DOCK8: variants seen among roughly 807,000 people sequenced by gnomAD.
DOCK8 encodes the protein dedicator of cytokinesis protein 8.
A neutral mutation model predicts 245.6 loss-of-function variants in DOCK8; 141 were observed. The observed-to-expected ratio is 0.57, with a 90% CI of 0.50 to 0.66. The LOEUF is 0.66. Ranked by LOEUF, DOCK8 falls within the 30% of genes least tolerant of loss-of-function variation. The pLI is 0.00. For synonymous variants in DOCK8, 1,168 were observed against 970.2 expected (o/e 1.20, Z -3.79); for missense variants, 2,965 against 2,603.4 (o/e 1.14, Z -3.02).
intron 4 of DOCK8, among the ~76,000 whole-genome samples, chr9:289,893 G>T (rs1011779931): frequency 6.6e-6 from 1 of 152,178 alleles, no homozygotes; most frequent in Non-Finnish European, 1.5e-5. Context: ...TTTGACAAAT[G>T]TGTAATGACA....
At chr9:385,764 C>G (rs1291065986) in intron 22 of DOCK8, among the ~76,000 whole-genome samples, 1 of 152,192 alleles carries the variant, frequency 6.6e-6, no homozygotes, top group Non-Finnish European at 1.5e-5. Context: ...TTCTGATCAC[C>G]CAGGAAAGAA....
intron 18 of DOCK8, among the ~76,000 whole-genome samples, chr9:374,458 T>TC: frequency 7.1e-6 from 1 of 139,996 alleles, no homozygotes; most frequent in East Asian, 2.1e-4. Flanking sequence ...TTTGTGTTTT[T>TC]TTTTTTTTTT....
At chr9:412,589 C>G (rs2055791897) in intron 28 of DOCK8, among the ~76,000 whole-genome samples, 1 of 151,782 alleles carries the variant, frequency 6.6e-6, no homozygotes, top group African/African-American at 2.4e-5. Flanking sequence ...GATCAACATA[C>G]AAGAATCAAT....
At chr9:255,668 C>A (rs2484950) in intron 1 of DOCK8, among the ~76,000 whole-genome samples, 5,202 of 22,716 alleles carry the variant, frequency 0.23, 257 homozygotes, top group East Asian at 0.28. Flanking sequence ...ACTCCATCTC[C>A]AAAAAAAAAA....
intron 34 of DOCK8, among the ~76,000 whole-genome samples, chr9:428,010 C>CAATTG (rs2056563014): frequency 6.6e-6 from 1 of 152,210 alleles, no homozygotes; most frequent in African/African-American, 2.4e-5. Flanking sequence ...CCCTGTTGTA[C>CAATTG]TGGGAAGCCC....
chr9:292,450 T>A (rs1158324458), intron 4 of DOCK8, among the ~76,000 whole-genome samples: 2 of 141,112 alleles, frequency 1.4e-5, no homozygotes, highest in Non-Finnish European at 3.0e-5. Context: ...CTCAAGAATA[T>A]TAGATGTTAT....
intron 1 of DOCK8, among the ~76,000 whole-genome samples, chr9:225,060 T>C (rs1481575176): frequency 1.3e-5 from 2 of 152,182 alleles, no homozygotes; most frequent in African/African-American, 4.8e-5. Context: ...CTCTGTCCAA[T>C]AATTTCACTC....
chr9:378,395 A>C lies in DOCK8; in HGVS notation c.2440+1184A>C, dbSNP rs1341627244. Among the ~76,000 whole-genome samples, 3 of 152,244 alleles carry C rather than the reference A, an allele frequency of 2.0e-5. No individual in the cohort carries two copies. The East Asian group carries it at 5.8e-4, about 29-fold the overall frequency. On this transcript the variant is annotated intron_variant, in intron 20 of 47. Coordinates refer to ENST00000432829, the MANE Select transcript of DOCK8 (RefSeq NM_203447.4). ...GGTGGTGGAACAGAAGCACGTGTGG[A>C]AGTGGGCTGGGACAATGAAGTGAGA...
intron 24 of DOCK8, among the ~76,000 whole-genome samples, chr9:395,979 G>C (rs1235222013): frequency 1.3e-5 from 2 of 151,914 alleles, no homozygotes; most frequent in African/African-American, 4.8e-5. Context: ...GTATACACCA[G>C]TTTGTGTCAA....
chr9:300,948 A>G (rs2049515897), intron 4 of DOCK8, among the ~76,000 whole-genome samples: 1 of 152,232 alleles, frequency 6.6e-6, no homozygotes, highest in South Asian at 2.1e-4. Flanking sequence ...TACTGAAATT[A>G]TTTCAAAAAT....
At chr9:296,515 T>C (rs980015203) in intron 4 of DOCK8, among the ~76,000 whole-genome samples, 1 of 152,202 alleles carries the variant, frequency 6.6e-6, no homozygotes, top group East Asian at 1.9e-4. Flanking sequence ...TGAAGGAAGG[T>C]TGAGCTCAAG....
intron 1 of DOCK8, among the ~76,000 whole-genome samples, chr9:251,920 GGAAACT>G: frequency 6.6e-6 from 1 of 151,900 alleles, no homozygotes; most frequent in South Asian, 2.1e-4. Context: ...AAGAAGAATG[GGAAACT>G]ACTTAACCAG....
intron 1 of DOCK8, among the ~76,000 whole-genome samples, chr9:251,555 C>G (rs1056806701): frequency 6.6e-6 from 1 of 152,184 alleles, no homozygotes; most frequent in African/African-American, 2.4e-5. Context: ...CCAGAAGTTT[C>G]ACTCCGATAG....
chr9:443,305 C>CT (rs891459119), intron 42 of DOCK8, 122 bp from the exon 43 acceptor site: 4 of 959,126 alleles, frequency 4.2e-6, no homozygotes, highest in Non-Finnish European at 6.6e-6. Flanking sequence ...CAGAGGAACT[C>CT]TCAATAATCA....
intron 1 of DOCK8, 119 bp downstream of exon 1, chr9:215,148 C>A: frequency 1.4e-6 from 2 of 1,474,620 alleles, no homozygotes; most frequent in South Asian, 1.3e-5. Context: ...GCGGGGCGCG[C>A]CTGAGACCTG....
rs369860370 is a variant in DOCK8, at chr9:372,271, C to G, written c.2094C>G (p.Ser698=). Residue 698 remains serine (S), a synonymous_variant, in exon 18 of 48, where the codon TCC becomes TCG. Coordinates refer to ENST00000432829, the MANE Select transcript of DOCK8 (RefSeq NM_203447.4). ...VALEKLPPNY[S]MHSAEKVPLQ... is the part of the protein sequence containing the mutation. ...TGGAAAAATTGCCACCCAACTACTCCATGCATTCTGCTGAGGTAATTGGCA... is the reference window on the plus strand; with the variant it reads ...TGGAAAAATTGCCACCCAACTACTCGATGCATTCTGCTGAGGTAATTGGCA... 5 of 1,613,916 alleles carry G rather than the reference C, an allele frequency of 3.1e-6. No individual in the cohort carries two copies. The South Asian group carries it at 3.3e-5, about 11-fold the overall frequency.
intron 44 of DOCK8, among the ~76,000 whole-genome samples, chr9:447,276 A>C (rs76640283): frequency 0.085 from 12,983 of 152,268 alleles, 770 homozygotes; most frequent in South Asian, 0.18. Context: ...TAAACAACTT[A>C]TTATTCTTTA....
In DOCK8 at chr9:426,949, A is replaced by G. The variant is rs1275250985; in HGVS notation, c.4306A>G (p.Ile1436Val). 6.2e-7 allele frequency: 1 copy of G among 1,614,018 alleles called. No homozygotes were observed. Among genetic ancestry groups the G allele is most frequent in the Non-Finnish European group, 8.5e-7 (1 of 1,180,042 alleles). ...SGNLATEAHL[I>V]ILDMQENIIQ... ...CAATCTGGCTACAGAAGCACATTTAATCATCCTGGATATGCAGGAAAACAT... is the reference window on the plus strand; with the variant it reads ...CAATCTGGCTACAGAAGCACATTTAGTCATCCTGGATATGCAGGAAAACAT... The change falls in exon 34 of 48, where the codon ATC (isoleucine) becomes GTC (valine). Residue 1436 changes from isoleucine to valine, a missense_variant. Transcript: ENST00000432829.
At chr9:265,459 C>T (rs1253076289) in intron 1 of DOCK8, among the ~76,000 whole-genome samples, 2 of 152,182 alleles carry the variant, frequency 1.3e-5, no homozygotes, top group African/African-American at 4.8e-5. Flanking sequence ...TTGTACTTTA[C>T]ACTGTATTTT....
Sources: allele counts gnomAD v4.1 joint callset (sites outside exome capture counted in the v4.1 genomes callset), GRCh38; gene constraint gnomAD v4.1.1; transcripts MANE v1.5; gene names NCBI Gene and HGNC (gene_info 2026-07-23, HGNC 2026-07-21).